CTNNA3: variants seen among roughly 807,000 people sequenced by gnomAD.
The protein encoded by CTNNA3 is catenin alpha 3, also known as catenin alpha-3.
In CTNNA3, 76 loss-of-function variants were observed where a neutral mutation model predicts 95.7. The observed-to-expected ratio is 0.79, with a 90% confidence interval of 0.66 to 0.96. The LOEUF is 0.96. Among genes scored for constraint, CTNNA3 ranks in the 40% least tolerant of loss-of-function variants. CTNNA3 has a pLI of 0.00. For synonymous variants in CTNNA3, 431 were observed against 374.4 expected, an observed-to-expected ratio of 1.15 and a Z score of -1.74; for missense variants, 1,191 against 1,089.8, an observed-to-expected ratio of 1.09 and a Z score of -1.31.
intron 7 of CTNNA3, among the ~76,000 whole-genome samples, chr10:66,965,215 A>C (rs951852413): frequency 6.6e-6 from 1 of 151,836 alleles, no homozygotes; most frequent in Non-Finnish European, 1.5e-5. Flanking sequence ...GTGTTTAAAA[A>C]GCTGGGTTTT....
intron 11 of CTNNA3, among the ~76,000 whole-genome samples, chr10:66,419,104 A>G (rs2093170187): frequency 1.3e-5 from 2 of 152,160 alleles, no homozygotes; most frequent in Admixed American, 1.3e-4. Context: ...AGATGACATG[A>G]TACTCATATT....
At chr10:66,454,580 T>G (rs2093483708) in intron 11 of CTNNA3, among the ~76,000 whole-genome samples, 1 of 152,014 alleles carries the variant, frequency 6.6e-6, no homozygotes, top group Admixed American at 6.6e-5. Context: ...TGAAGGGACT[T>G]GAATTCATAA....
intron 5 of CTNNA3, among the ~76,000 whole-genome samples, chr10:67,273,875 G>C (rs865867762): frequency 9.2e-5 from 14 of 152,150 alleles, no homozygotes; most frequent in Admixed American, 2.6e-4. Context: ...CTAATGAAGG[G>C]TGGAAAAGGT....
chr10:66,502,200 T>C (rs1354080342), intron 11 of CTNNA3, among the ~76,000 whole-genome samples: 2 of 152,088 alleles, frequency 1.3e-5, no homozygotes, highest in African/African-American at 4.8e-5. Flanking sequence ...ACTGTATTAC[T>C]GAGATTCACA....
intron 1 of CTNNA3, among the ~76,000 whole-genome samples, chr10:67,685,739 T>C (rs899973132): frequency 6.6e-6 from 1 of 152,160 alleles, no homozygotes; most frequent in Non-Finnish European, 1.5e-5. Flanking sequence ...GGTACACTGT[T>C]TTTTCTTTAC....
At chr10:66,303,542 T>C (rs943638201) in intron 12 of CTNNA3, among the ~76,000 whole-genome samples, 5 of 152,150 alleles carry the variant, frequency 3.3e-5, no homozygotes, top group African/African-American at 1.2e-4. Context: ...AGTTTTTATA[T>C]AATTGGTTAG....
chr10:66,089,399 C>G (rs1432994560), intron 14 of CTNNA3, among the ~76,000 whole-genome samples: 4 of 151,006 alleles, frequency 2.6e-5, no homozygotes, highest in Admixed American at 1.3e-4. Flanking sequence ...TCTTTCCTTC[C>G]TTACTCCCTT....
chr10:67,258,345 T>A (rs2132381718), intron 5 of CTNNA3, among the ~76,000 whole-genome samples: 1 of 152,220 alleles, frequency 6.6e-6, no homozygotes, highest in East Asian at 1.9e-4. Flanking sequence ...AGTTTCACCA[T>A]ATTGGTCAGG....
At chr10:66,391,892 T>C (rs780702386) in intron 11 of CTNNA3, among the ~76,000 whole-genome samples, 3 of 151,890 alleles carry the variant, frequency 2.0e-5, no homozygotes, top group Non-Finnish European at 4.4e-5. Context: ...ATTTTTCAAT[T>C]AGAGTGCTAT....
chr10:67,007,747 T>C (rs1267510304), intron 7 of CTNNA3, among the ~76,000 whole-genome samples: 1 of 151,978 alleles, frequency 6.6e-6, no homozygotes, highest in East Asian at 1.9e-4. Context: ...ATACTGAATA[T>C]ATTAATAAAA....
chr10:66,326,796 G>A lies in CTNNA3; in HGVS notation c.1733-46175C>T, dbSNP rs1589090923. Among the ~76,000 whole-genome samples, 6 of 151,908 alleles carry A rather than the reference G, an allele frequency of 3.9e-5. No homozygotes were observed. The South Asian group carries it at 1.2e-3, about 32-fold the overall frequency. On this transcript the variant is annotated intron_variant, in intron 12 of 17. Transcript: ENST00000433211. ...GTCTCTAGTATCTTCCTCTTTGGGG[G>A]GTAACAAATATATTTTAAAAAATCC...
intron 15 of CTNNA3, among the ~76,000 whole-genome samples, chr10:66,005,701 G>A (rs540163359): frequency 6.6e-6 from 1 of 152,128 alleles, no homozygotes; most frequent in African/African-American, 2.4e-5. Context: ...AGCACATAAG[G>A]CTCTGGCGTG....
intron 7 of CTNNA3, among the ~76,000 whole-genome samples, chr10:66,850,183 A>T (rs1309187948): frequency 6.6e-6 from 1 of 152,174 alleles, no homozygotes; most frequent in Non-Finnish European, 1.5e-5. Flanking sequence ...AGAATAAATA[A>T]AAACGAAAAA....
intron 1 of CTNNA3, among the ~76,000 whole-genome samples, chr10:67,690,568 G>A (rs1310074612): frequency 1.3e-5 from 2 of 152,238 alleles, no homozygotes; most frequent in South Asian, 4.2e-4. Context: ...ACAGAGCGCT[G>A]ATTGGTGCAT....
At position 66,356,365 on chromosome 10, in the gene CTNNA3, T is replaced by C. The variant is rs1010691803; in HGVS notation, c.1732+22787A>G. On this transcript the variant is annotated intron_variant, in intron 12 of 17. Coordinates refer to ENST00000433211, the MANE Select transcript of CTNNA3 (RefSeq NM_013266.4). Reference sequence around the variant, plus strand: ...ATTTTTTAAGGTCTTCTTTAATTTCTTTGACTAGCGTTTTGTAGTTTCTGG... The same window carrying C: ...ATTTTTTAAGGTCTTCTTTAATTTCCTTGACTAGCGTTTTGTAGTTTCTGG... 9.2e-5 allele frequency among the ~76,000 whole-genome samples: 14 copies of C among 152,004 alleles called. No homozygotes were observed. The South Asian group carries it at 1.7e-3, about 18-fold the overall frequency.
chr10:66,019,212 A>G (rs988448428), intron 15 of CTNNA3, among the ~76,000 whole-genome samples: 5 of 152,176 alleles, frequency 3.3e-5, no homozygotes, highest in African/African-American at 9.6e-5. Flanking sequence ...ATGAGGTTTT[A>G]CCCACATTCA....
intron 7 of CTNNA3, among the ~76,000 whole-genome samples, chr10:66,910,151 A>G (rs919079781): frequency 2.6e-5 from 4 of 152,218 alleles, no homozygotes; most frequent in African/African-American, 4.8e-5. Context: ...GACTATTCCA[A>G]TAAGAGAGAG....
intron 9 of CTNNA3, among the ~76,000 whole-genome samples, chr10:66,754,319 G>T (rs1387080134): frequency 2.0e-5 from 3 of 152,092 alleles, no homozygotes; most frequent in Non-Finnish European, 2.9e-5. Context: ...ACATGCAAAA[G>T]AATGAAATTG....
chr10:66,400,161 A>C (rs1467868824), intron 11 of CTNNA3, among the ~76,000 whole-genome samples: 1 of 152,028 alleles, frequency 6.6e-6, no homozygotes, highest in Non-Finnish European at 1.5e-5. Flanking sequence ...CAAAGAATCA[A>C]AACATGTTTA....
Sources: allele counts gnomAD v4.1 joint callset (sites outside exome capture counted in the v4.1 genomes callset), GRCh38; gene constraint gnomAD v4.1.1; transcripts MANE v1.5; gene names NCBI Gene and HGNC (gene_info 2026-07-23, HGNC 2026-07-21).